The following CPT1A variants were observed in gnomAD, a reference collection of about 807,000 sequenced individuals.
CPT1A encodes carnitine palmitoyltransferase 1A.
CPT1A carries 64 observed loss-of-function variants against 100.8 expected under a neutral mutation model. That is an observed-to-expected ratio of 0.63 (90% confidence interval 0.52 to 0.78). The LOEUF (loss-of-function observed/expected upper bound fraction) is 0.78. CPT1A is among the 30% of genes least tolerant of loss of function. The pLI is 0.00. For synonymous variants in CPT1A, 363 were observed against 396.0 expected, an observed-to-expected ratio of 0.92 and a Z score of 0.99; for missense variants, 802 against 1,034.1, an observed-to-expected ratio of 0.78 and a Z score of 3.08.
intron 4 of CPT1A, among the ~76,000 whole-genome samples, chr11:68,804,820 G>A (rs1043208510): frequency 2.6e-5 from 4 of 152,240 alleles, no homozygotes; most frequent in African/African-American, 4.8e-5. Context: ...GAGCCAAGCC[G>A]AGGGGAAGCA....
chr11:68,784,159 G>A (rs968846105), intron 10 of CPT1A, among the ~76,000 whole-genome samples: 8 of 152,320 alleles, frequency 5.3e-5, no homozygotes, highest in Admixed American at 2.0e-4. Flanking sequence ...CACTGCGCCC[G>A]GCCTGATTCT....
rs571657921 is a variant in CPT1A at position 68,755,563 on chromosome 11, C to T, written c.*2081G>A. ...TAGCTGGGACTACAGGCGCCCGCCACCACGCCCGGCTCATTTTTTGAATTT... is the reference window on the plus strand; with the variant it reads ...TAGCTGGGACTACAGGCGCCCGCCATCACGCCCGGCTCATTTTTTGAATTT... On this transcript the variant is annotated 3_prime_UTR_variant, in exon 19 of 19. Transcript: ENST00000265641. 3 of 152,146 alleles carry T rather than the reference C, an allele frequency of 2.0e-5. No homozygotes were observed. Among genetic ancestry groups the T allele is most frequent in the East Asian group, 3.9e-4 (2 of 5,100 alleles). 9.4% of individuals were successfully genotyped at this position (152,146 alleles called of 1,614,324 possible).
At chr11:68,832,508 T>C (rs892390954) in intron 1 of CPT1A, among the ~76,000 whole-genome samples, 1 of 152,144 alleles carries the variant, frequency 6.6e-6, no homozygotes, top group African/African-American at 2.4e-5. Context: ...CCAAAACTTA[T>C]ACTCTTAACT....
intron 14 of CPT1A, 134 bp downstream of exon 14, chr11:68,773,131 G>C: frequency 6.7e-7 from 1 of 1,489,170 alleles, no homozygotes; most frequent in Non-Finnish European, 8.9e-7. Flanking sequence ...GGCCCCCGGA[G>C]ACCGGGGTCG....
At chr11:68,780,474 G>C (rs967765304) in intron 12 of CPT1A, among the ~76,000 whole-genome samples, 166 bp downstream of exon 12, 10 of 152,160 alleles carry the variant, frequency 6.6e-5, no homozygotes, top group African/African-American at 2.4e-4. Flanking sequence ...AGTAGAGACG[G>C]GGTTTCACCA....
chr11:68,815,086 C>G lies in CPT1A; in HGVS notation c.141+248G>C, dbSNP rs1449517103. On this transcript the variant is annotated intron_variant, in intron 2 of 18. Transcript: ENST00000265641. ...TGCCTCCTATTAAGTAGGTCGCTGG[C>G]CCTTTAAGCCTCGATTTCCCAGCCT... Among the ~76,000 whole-genome samples, 3 of 152,154 alleles carry G rather than the reference C, an allele frequency of 2.0e-5. No individual in the cohort carries two copies. In the East Asian group the frequency reaches 5.8e-4, roughly 29 times the overall value.
intron 1 of CPT1A, among the ~76,000 whole-genome samples, chr11:68,819,794 T>C (rs1226357663): frequency 6.6e-6 from 1 of 152,166 alleles, no homozygotes; most frequent in Non-Finnish European, 1.5e-5. Flanking sequence ...CAATTTGTTT[T>C]TCTACTTCTG....
chr11:68,786,385 G>A, intron 9 of CPT1A, among the ~76,000 whole-genome samples: 1 of 152,044 alleles, frequency 6.6e-6, no homozygotes, highest in Non-Finnish European at 1.5e-5. Flanking sequence ...AAACAAAATA[G>A]GACAAGTGTC....
chr11:68,776,455 C>G (rs767186062), intron 12 of CPT1A, among the ~76,000 whole-genome samples: 34 of 152,242 alleles, frequency 2.2e-4, no homozygotes, highest in Non-Finnish European at 4.1e-4. Flanking sequence ...ACATAGAAGA[C>G]CACATATTGT....
intron 12 of CPT1A, among the ~76,000 whole-genome samples, chr11:68,776,131 C>T (rs527387194): frequency 1.3e-5 from 2 of 152,338 alleles, no homozygotes; most frequent in South Asian, 4.1e-4. Flanking sequence ...AGGCGCGGTG[C>T]CTCACTTCAG....
At chr11:68,791,665 T>C (rs1236172305) in intron 9 of CPT1A, among the ~76,000 whole-genome samples, 1 of 152,118 alleles carries the variant, frequency 6.6e-6, no homozygotes, top group Non-Finnish European at 1.5e-5. Context: ...GCCTCCCAAG[T>C]AGCTGGGATT....
chr11:68,793,971 C>G (rs1252718780), intron 8 of CPT1A, among the ~76,000 whole-genome samples: 2 of 152,186 alleles, frequency 1.3e-5, no homozygotes. Flanking sequence ...ATAACTGACA[C>G]TTACAACCAA....
chr11:68,795,908 CA>C (rs976618899), intron 7 of CPT1A, among the ~76,000 whole-genome samples: 85 of 104,924 alleles, frequency 8.1e-4, no homozygotes, highest in African/African-American at 9.1e-4. Flanking sequence ...GACTCTATCT[CA>C]AAAAAAAAAA....
At position 68,759,674 on chromosome 11, in the gene CPT1A, G is replaced by C. The variant is rs781736895; in HGVS notation, c.2143-13C>G. 4.4e-6 allele frequency: 7 copies of C among 1,590,862 alleles called. No individual in the cohort carries two copies. The highest frequency in any genetic ancestry group is 6.0e-6 in the Non-Finnish European group (7 of 1,158,914). On this transcript the variant is annotated splice_polypyrimidine_tract_variant and intron_variant, in intron 17 of 18. Coordinates refer to ENST00000265641, the MANE Select transcript of CPT1A (RefSeq NM_001876.4). ...CGTCATCAGCAACCTGGAGGACAAGGGAATTTGAATTTGTTGCTGGGAAAT... is the reference window on the plus strand; with the variant it reads ...CGTCATCAGCAACCTGGAGGACAAGCGAATTTGAATTTGTTGCTGGGAAAT...
rs1177976460 is a variant in CPT1A, at chr11:68,838,571, T to TAAAAAA, written c.-14+3203_-14+3204insTTTTTT. Reference sequence around the variant, plus strand: ...GACTCTACTCTGTATCTGCACCTTTTTAAAAAAAAAAAAAAAAAAACAGAG... The same window carrying TAAAAAA: ...GACTCTACTCTGTATCTGCACCTTTTAAAAAATAAAAAAAAAAAAAAAAAAACAGAG... On this transcript the variant is annotated intron_variant, in intron 1 of 18. Coordinates refer to ENST00000265641, the MANE Select transcript of CPT1A (RefSeq NM_001876.4). 9.4e-4 allele frequency among the ~76,000 whole-genome samples: 70 copies of TAAAAAA among 74,218 alleles called. 11 individuals are homozygous for TAAAAAA. Among genetic ancestry groups the TAAAAAA allele is most frequent in the African/African-American group, 2.1e-3 (22 of 10,730 alleles). 48.7% of individuals were successfully genotyped at this position (74,218 alleles called of 152,430 possible).
chr11:68,764,471 T>A (rs775554497), intron 14 of CPT1A, among the ~76,000 whole-genome samples: 8 of 151,880 alleles, frequency 5.3e-5, no homozygotes, highest in Non-Finnish European at 1.0e-4. Context: ...GCACAGGGCC[T>A]GCTCAGCCTG....
intron 14 of CPT1A, among the ~76,000 whole-genome samples, chr11:68,769,766 A>C (rs1854933325): frequency 6.6e-6 from 1 of 152,066 alleles, no homozygotes; most frequent in Admixed American, 6.6e-5. Context: ...TGTGTGAACT[A>C]AGCCAGGCAT....
intron 14 of CPT1A, among the ~76,000 whole-genome samples, chr11:68,764,506 C>T (rs1056946094): frequency 6.6e-6 from 1 of 151,958 alleles, no homozygotes; most frequent in Non-Finnish European, 1.5e-5. Context: ...GGACAGAGCA[C>T]AGGACCCACT....
intron 2 of CPT1A, among the ~76,000 whole-genome samples, chr11:68,814,406 G>A (rs905100784): frequency 4.6e-5 from 7 of 150,908 alleles, no homozygotes; most frequent in Admixed American, 2.0e-4. Context: ...TCCCGGGTTC[G>A]TGCCATTCTC....
Sources: allele counts gnomAD v4.1 joint callset (sites outside exome capture counted in the v4.1 genomes callset), GRCh38; gene constraint gnomAD v4.1.1; transcripts MANE v1.5; gene names NCBI Gene and HGNC (gene_info 2026-07-23, HGNC 2026-07-21).